Variants in DMD observed in about 807,000 individuals in gnomAD.
DMD encodes the protein dystrophin.
A neutral mutation model predicts 330.1 loss-of-function variants in DMD; 63 were observed. That is an observed-to-expected ratio of 0.19 (90% CI 0.16 to 0.24). DMD has a LOEUF of 0.24. DMD is among the 10% of genes least tolerant of loss of function. The pLI is 1.00. For missense variants in DMD, 3,344 were observed against 2,684.1 expected, an observed-to-expected ratio of 1.25 and a Z score of -5.43; for synonymous variants, 1,223 against 959.8, an observed-to-expected ratio of 1.27 and a Z score of -5.07.
At chrX:32,828,020 G>A (rs1190522370) in intron 4 of DMD, among the ~76,000 whole-genome samples, 1 of 111,165 alleles carries the variant, frequency 9.0e-6, no homozygotes, top group Non-Finnish European at 1.9e-5. Flanking sequence ...GCACTAGTTT[G>A]CTAAGGATAA....
chrX:32,966,948 GGT>G (rs2092180725), intron 2 of DMD, among the ~76,000 whole-genome samples: 1 of 111,874 alleles, frequency 8.9e-6, no homozygotes, highest in Non-Finnish European at 1.9e-5. Context: ...GCAAAATCCT[GGT>G]ATAAAGCCAA....
chrX:31,620,194 T>C (rs1304561783), intron 55 of DMD, among the ~76,000 whole-genome samples: 3 of 111,293 alleles, frequency 2.7e-5, no homozygotes, highest in African/African-American at 9.8e-5. Flanking sequence ...AATAGATTCA[T>C]GGGTAGAACA....
At chrX:32,585,572 C>T (rs1004129649) in intron 13 of DMD, among the ~76,000 whole-genome samples, 1 of 106,547 alleles carries the variant, frequency 9.4e-6, no homozygotes, top group Non-Finnish European at 1.9e-5. Flanking sequence ...TGGTGGCAGG[C>T]GCCTGCAGTC....
At chrX:33,189,341 G>T (rs1025137138) in intron 1 of DMD, among the ~76,000 whole-genome samples, 26 of 111,490 alleles carry the variant, frequency 2.3e-4, no homozygotes, top group African/African-American at 8.5e-4. Context: ...AACAGTATCC[G>T]TGTAACACTG....
chrX:32,158,431 A>G (rs762284369), intron 44 of DMD, among the ~76,000 whole-genome samples: 2 of 111,372 alleles, frequency 1.8e-5, no homozygotes, highest in Non-Finnish European at 3.8e-5. Flanking sequence ...ATTGAATACA[A>G]ATGACCTTAA....
intron 44 of DMD, among the ~76,000 whole-genome samples, chrX:31,971,391 A>G (rs1450389487): frequency 8.9e-6 from 1 of 112,015 alleles, no homozygotes; most frequent in Non-Finnish European, 1.9e-5. Flanking sequence ...CGGTTTCCCA[A>G]ATAAGAGATA....
At chrX:32,290,724 AGGTG>A (rs1043632087) in intron 42 of DMD, among the ~76,000 whole-genome samples, 1 of 112,016 alleles carries the variant, frequency 8.9e-6, no homozygotes, top group African/African-American at 3.2e-5. Context: ...GCAGAAACAA[AGGTG>A]GGTGAAACAC....
chrX:32,221,648 C>T (rs1322776447), intron 43 of DMD, among the ~76,000 whole-genome samples: 2 of 111,420 alleles, frequency 1.8e-5, no homozygotes, highest in Non-Finnish European at 3.8e-5. Context: ...TTTTAGTGCA[C>T]GTGTCACCCA....
intron 22 of DMD, among the ~76,000 whole-genome samples, chrX:32,469,989 G>C (rs946745083): frequency 9.0e-6 from 1 of 111,204 alleles, no homozygotes; most frequent in African/African-American, 3.3e-5. Flanking sequence ...GCACTGAAGA[G>C]TTAACCTCAG....
chrX:32,788,313 G>C (rs1399810195), intron 7 of DMD, among the ~76,000 whole-genome samples: 1 of 111,479 alleles, frequency 9.0e-6, no homozygotes, highest in African/African-American at 3.3e-5. Context: ...TGACAACAAT[G>C]GTATTAAATA....
intron 43 of DMD, among the ~76,000 whole-genome samples, chrX:32,280,133 T>TTATATATACAGTATATA (rs2097412202): frequency 3.2e-5 from 3 of 92,384 alleles, no homozygotes; most frequent in African/African-American, 1.2e-4. Context: ...ATATGTGTGT[T>TTATATATACAGTATATA]TATATATACA....
In DMD at chrX:31,287,166, T is replaced by A. The variant is rs773424419; in HGVS notation, c.9225-26150A>T. ...TGGGTTTTAAAGTAACTAATATTGA[T>A]GGCTACTATGCCTGCTATGTATAAG... On this transcript the variant is annotated intron_variant, in intron 62 of 78. Transcript: ENST00000357033. 1.1e-4 allele frequency among the ~76,000 whole-genome samples: 12 copies of A among 112,595 alleles called. No homozygotes were observed. The South Asian group carries it at 2.6e-3, about 24-fold the overall frequency.
intron 11 of DMD, among the ~76,000 whole-genome samples, chrX:32,635,589 G>A (rs2146677131): frequency 8.9e-6 from 1 of 112,163 alleles, no homozygotes; most frequent in South Asian, 3.7e-4. Context: ...TTTTAATATA[G>A]AAAAGCAACA....
intron 60 of DMD, among the ~76,000 whole-genome samples, chrX:31,366,494 A>AAT (rs1569533380): frequency 1.0e-3 from 100 of 100,056 alleles, no homozygotes; most frequent in African/African-American, 3.4e-3. Flanking sequence ...AAAAAAAAAA[A>AAT]AACATAAAAA....
intron 17 of DMD, among the ~76,000 whole-genome samples, chrX:32,531,306 ATTTAG>A (rs1180343486): frequency 9.0e-6 from 1 of 111,490 alleles, no homozygotes; most frequent in Non-Finnish European, 1.9e-5. Flanking sequence ...AGTTCAAATA[ATTTAG>A]TAAAATTTTC....
chrX:32,230,249 GTTTT>G (rs1465742945), intron 43 of DMD, among the ~76,000 whole-genome samples: 1 of 111,727 alleles, frequency 9.0e-6, no homozygotes. Context: ...GTTTTGTTTT[GTTTT>G]GTTATTTTTG....
intron 48 of DMD, among the ~76,000 whole-genome samples, chrX:31,874,946 A>G (rs2093945587): frequency 9.0e-6 from 1 of 111,137 alleles, no homozygotes; most frequent in Non-Finnish European, 1.9e-5. Context: ...CTCCTTGGCT[A>G]TAAATTCCTA....
At chrX:32,434,413 A>C (rs773223447) in intron 29 of DMD, among the ~76,000 whole-genome samples, 4 of 111,876 alleles carry the variant, frequency 3.6e-5, no homozygotes, top group African/African-American at 1.3e-4. Flanking sequence ...CTGTCTCAAA[A>C]AAATAAAATA....
At chrX:31,586,059 C>T (rs1408017344) in intron 55 of DMD, among the ~76,000 whole-genome samples, 2 of 111,654 alleles carry the variant, frequency 1.8e-5, no homozygotes, top group African/African-American at 6.5e-5. Flanking sequence ...GAATGTAAAA[C>T]TCTAGGCATG....
Sources: allele counts gnomAD v4.1 joint callset (sites outside exome capture counted in the v4.1 genomes callset), GRCh38; gene constraint gnomAD v4.1.1; transcripts MANE v1.5; gene names NCBI Gene and HGNC (gene_info 2026-07-23, HGNC 2026-07-21).